The following CDH13 variants were observed in gnomAD, a reference collection of about 807,000 sequenced individuals.
The protein encoded by CDH13 is cadherin 13, also known as cadherin-13.
In CDH13, 24 loss-of-function variants were observed where a neutral mutation model predicts 63.8. That is an observed-to-expected ratio of 0.38 (90% CI 0.27 to 0.53). The LOEUF (loss-of-function observed/expected upper bound fraction) is 0.53. Among genes scored for constraint, CDH13 ranks in the 20% least tolerant of loss-of-function variants. The pLI, the probability that CDH13 is intolerant of heterozygous loss-of-function variation, is 0.85. For synonymous variants in CDH13, 503 were observed against 355.3 expected, an observed-to-expected ratio of 1.42 and a Z score of -4.67; for missense variants, 1,049 against 903.1, an observed-to-expected ratio of 1.16 and a Z score of -2.07.
chr16:83,268,742 T>C (rs955256728), intron 5 of CDH13, among the ~76,000 whole-genome samples: 2 of 152,160 alleles, frequency 1.3e-5, no homozygotes, highest in Non-Finnish European at 2.9e-5. Context: ...TGTTGAGAAA[T>C]AGGATTTATA....
intron 5 of CDH13, among the ~76,000 whole-genome samples, chr16:83,256,012 A>C (rs920241882): frequency 2.6e-5 from 4 of 152,172 alleles, no homozygotes; most frequent in Admixed American, 2.6e-4. Context: ...TTAAATAGGT[A>C]TATATAAATT....
intron 8 of CDH13, among the ~76,000 whole-genome samples, chr16:83,668,897 G>C (rs1379217803): frequency 6.6e-6 from 1 of 152,206 alleles, no homozygotes; most frequent in Non-Finnish European, 1.5e-5. Flanking sequence ...GCTGAGCCCA[G>C]ATGTACTGCA....
chr16:82,654,695 A>G (rs1175395100), intron 1 of CDH13, among the ~76,000 whole-genome samples: 2 of 152,074 alleles, frequency 1.3e-5, no homozygotes, highest in African/African-American at 4.8e-5. Flanking sequence ...CAAAGATACA[A>G]ATGCTGTACC....
At chr16:82,998,862 CTTT>C (rs200853526) in intron 2 of CDH13, among the ~76,000 whole-genome samples, 7 of 128,550 alleles carry the variant, frequency 5.4e-5, no homozygotes, top group Non-Finnish European at 3.2e-5. Context: ...CCCCTTGATC[CTTT>C]TTTTTTTTTT....
At chr16:83,456,460 A>G (rs1305197103) in intron 6 of CDH13, among the ~76,000 whole-genome samples, 1 of 152,206 alleles carries the variant, frequency 6.6e-6, no homozygotes, top group Non-Finnish European at 1.5e-5. Context: ...GAAAGACGTC[A>G]TGACAGTAGA....
chr16:83,706,624 A>G (rs1366093414), intron 10 of CDH13, among the ~76,000 whole-genome samples: 1 of 152,194 alleles, frequency 6.6e-6, no homozygotes, highest in Admixed American at 6.5e-5. Context: ...CAGGCTATAC[A>G]ATCATTTCTT....
At chr16:83,790,148 C>T (rs1916164935) in intron 13 of CDH13, 1 of 152,174 alleles carries the variant, frequency 6.6e-6, no homozygotes, top group Non-Finnish European at 1.5e-5. Context: ...AACTGATCCT[C>T]AGAAAGGTCT....
intron 6 of CDH13, among the ~76,000 whole-genome samples, chr16:83,346,195 A>C (rs1028687729): frequency 1.3e-5 from 2 of 152,154 alleles, no homozygotes; most frequent in Admixed American, 1.3e-4. Flanking sequence ...GGAGTGTTGG[A>C]GGCAGATGGC....
chr16:83,334,361 T>TCTCTCTCTCA (rs1272779883), intron 5 of CDH13, among the ~76,000 whole-genome samples: 10 of 85,594 alleles, frequency 1.2e-4, no homozygotes, highest in South Asian at 4.9e-4. Flanking sequence ...TCTCTCTCTC[T>TCTCTCTCTCA]CACACACACA....
At chr16:83,391,816 A>T (rs1597906209) in intron 6 of CDH13, among the ~76,000 whole-genome samples, 1 of 152,336 alleles carries the variant, frequency 6.6e-6, no homozygotes, top group South Asian at 2.1e-4. Flanking sequence ...ACCTCTTTTG[A>T]CACAGGGTCT....
intron 6 of CDH13, among the ~76,000 whole-genome samples, chr16:83,453,204 G>A (rs2072929071): frequency 6.6e-6 from 1 of 151,980 alleles, no homozygotes; most frequent in African/African-American, 2.4e-5. Flanking sequence ...AATGGATTTT[G>A]GGGATTCGGG....
chr16:83,273,229 G>A (rs940779745), intron 5 of CDH13, among the ~76,000 whole-genome samples: 6 of 151,804 alleles, frequency 4.0e-5, no homozygotes, highest in Non-Finnish European at 7.4e-5. Context: ...GGTTTGTTAC[G>A]TGTATAAATT....
chr16:83,006,279 A>G (rs1305374258), intron 2 of CDH13, among the ~76,000 whole-genome samples: 4 of 152,246 alleles, frequency 2.6e-5, no homozygotes, highest in Non-Finnish European at 5.9e-5. Context: ...TTTAGACCCC[A>G]GTGATGATAC....
chr16:82,896,569 T>C (rs2041272249), intron 2 of CDH13, among the ~76,000 whole-genome samples: 1 of 151,822 alleles, frequency 6.6e-6, no homozygotes, highest in African/African-American at 2.4e-5. Flanking sequence ...GAGATGGGAT[T>C]ACAGGTGTGA....
intron 1 of CDH13, among the ~76,000 whole-genome samples, chr16:82,836,491 C>G (rs941869762): frequency 6.6e-6 from 1 of 152,148 alleles, no homozygotes; most frequent in African/African-American, 2.4e-5. Context: ...TCTCAGTATA[C>G]TGCCTAAAAT....
chr16:83,489,622 A>G (rs2073964680), intron 7 of CDH13, among the ~76,000 whole-genome samples: 2 of 152,210 alleles, frequency 1.3e-5, no homozygotes, highest in Non-Finnish European at 2.9e-5. Context: ...GGAGTTCCCC[A>G]GAGTTTGCAA....
At chr16:82,704,262 C>T (rs1444810183) in intron 1 of CDH13, among the ~76,000 whole-genome samples, 1 of 152,188 alleles carries the variant, frequency 6.6e-6, no homozygotes, top group Non-Finnish European at 1.5e-5. Flanking sequence ...TTGATTTGGG[C>T]ATCTGTCTTG....
intron 1 of CDH13, among the ~76,000 whole-genome samples, chr16:82,857,735 C>G (rs1403620643): frequency 1.3e-5 from 2 of 152,104 alleles, no homozygotes; most frequent in Non-Finnish European, 2.9e-5. Context: ...AAAATATTGT[C>G]ATTTCAACAT....
At position 83,038,440 on chromosome 16, in the gene CDH13, C is replaced by T. The variant is rs537049120; in HGVS notation, c.366+6222C>T. Among the ~76,000 whole-genome samples, 5 of 152,254 alleles carry T rather than the reference C, an allele frequency of 3.3e-5. No homozygotes were observed. In the South Asian group the frequency reaches 8.3e-4, roughly 25 times the overall value. On this transcript the variant is annotated intron_variant, in intron 3 of 13. Transcript: ENST00000567109. ...GAGTAGGCAGAAGAGCAGTTTAATT[C>T]CAAGTCTTTTGACAGGCTCTGACAA...
Sources: allele counts gnomAD v4.1 joint callset (sites outside exome capture counted in the v4.1 genomes callset), GRCh38; gene constraint gnomAD v4.1.1; transcripts MANE v1.5; gene names NCBI Gene and HGNC (gene_info 2026-07-23, HGNC 2026-07-21).